Variants in SEC11A observed in about 807,000 individuals in gnomAD.
SEC11A encodes the protein signal peptidase complex catalytic subunit SEC11A.
Under a neutral mutation model 25.6 loss-of-function variants are expected in SEC11A, and 14 were observed. The ratio of observed to expected loss-of-function variants is 0.55; its 90% CI spans 0.36 to 0.85. The LOEUF is 0.85. Among genes scored for constraint, SEC11A ranks in the 40% least tolerant of loss-of-function variants. The probability of loss-of-function intolerance (pLI) is 0.01; values close to 1 mark genes in which losing one functional copy is unlikely to be tolerated. For missense variants in SEC11A, 153 were observed against 222.9 expected, an observed-to-expected ratio of 0.69 and a Z score of 2.00; for synonymous variants, 83 against 76.4, an observed-to-expected ratio of 1.09 and a Z score of -0.45.
intron 1 of SEC11A, 38 bp from the exon 2 acceptor site, chr15:84,691,682 A>T: frequency 8.2e-7 from 1 of 1,218,070 alleles, no homozygotes; most frequent in Non-Finnish European, 1.2e-6. Context: ...ATCCACCATT[A>T]TCCCCACTTC....
At chr15:84,691,464 T>C in intron 2 of SEC11A, 71 bp downstream of exon 2, 2 of 830,516 alleles carry the variant, frequency 2.4e-6, no homozygotes. Context: ...GATATGCCAG[T>C]TATTTCATAT....
In SEC11A at chr15:84,687,618, C is replaced by T. The variant is rs762997952; in HGVS notation, c.311+7G>A. 1.3e-6 allele frequency: 2 copies of T among 1,567,442 alleles called. No individual in the cohort carries two copies. Among genetic ancestry groups the T allele is most frequent in the Non-Finnish European group, 1.7e-6 (2 of 1,167,338 alleles). On this transcript the variant is annotated splice_region_variant and intron_variant, in intron 3 of 5. Transcript: ENST00000268220. Reference sequence around the variant, plus strand: ...TTAGAAACAAAGATGCTATACTTTGCACATACTTTTCATGAATCTTCAAGA... The same window carrying T: ...TTAGAAACAAAGATGCTATACTTTGTACATACTTTTCATGAATCTTCAAGA...
intron 1 of SEC11A, among the ~76,000 whole-genome samples, chr15:84,712,949 G>A (rs2141931666): frequency 6.6e-6 from 1 of 152,232 alleles, no homozygotes; most frequent in African/African-American, 2.4e-5. Context: ...GCTCACGCCT[G>A]TAATCCTAGC....
intron 4 of SEC11A, among the ~76,000 whole-genome samples, chr15:84,675,583 TA>T (rs1897112864): frequency 6.6e-6 from 1 of 152,242 alleles, no homozygotes; most frequent in Admixed American, 6.5e-5. Flanking sequence ...GTCTTATCCA[TA>T]AAACTGATTT....
rs534450039 is a variant in SEC11A at position 84,670,939 on chromosome 15, G to A, written c.432-157C>T. 1.2e-4 allele frequency: 53 copies of A among 436,166 alleles called. No homozygotes were observed. The South Asian group carries it at 2.0e-3, about 17-fold the overall frequency. 27.0% of individuals were successfully genotyped at this position (436,166 alleles called of 1,614,324 possible). A position where few individuals can be genotyped will look rare whatever the true frequency, so the allele number is the denominator to read the frequency against. On this transcript the variant is annotated intron_variant, in intron 4 of 5. Transcript: ENST00000268220. Reference sequence around the variant, plus strand: ...CTATTTGATCCTTGCAAAAGCCCAAGTGATAGGAAAGTTAGGAATATCACC... The same window carrying A: ...CTATTTGATCCTTGCAAAAGCCCAAATGATAGGAAAGTTAGGAATATCACC...
At chr15:84,670,328 T>C (rs1247925609) in intron 5 of SEC11A, 1 of 322,236 alleles carries the variant, frequency 3.1e-6, no homozygotes, top group Non-Finnish European at 5.8e-6. Flanking sequence ...CCTCCACCTA[T>C]CATATTCAAG....
chr15:84,713,702 C>T lies in SEC11A; in HGVS notation c.51+2323G>A, dbSNP rs1270264526. On this transcript the variant is annotated intron_variant, in intron 1 of 5. Coordinates refer to ENST00000268220, the MANE Select transcript of SEC11A (RefSeq NM_014300.4). ...CATGTTTCTGTTCTTTCTTCCTGTC[C>T]ATTTTATTAGAGCAGGAAGAGTACC... Among the ~76,000 whole-genome samples the T allele has an allele frequency of 2.6e-5, 4 of 152,156 alleles. No homozygotes were observed. In the East Asian group the frequency reaches 7.7e-4, roughly 29 times the overall value.
chr15:84,679,071 T>G (rs1326420356), intron 4 of SEC11A, among the ~76,000 whole-genome samples: 1 of 152,078 alleles, frequency 6.6e-6, no homozygotes, highest in Non-Finnish European at 1.5e-5. Context: ...ACCAAAAAGT[T>G]AATAGTAAAT....
intron 1 of SEC11A, among the ~76,000 whole-genome samples, chr15:84,695,113 A>G (rs1897727931): frequency 7.2e-6 from 1 of 138,372 alleles, no homozygotes; most frequent in African/African-American, 2.5e-5. Context: ...AAAAAAAAAA[A>G]AAAAGAAGGT....
chr15:84,710,845 G>A (rs529266272), intron 1 of SEC11A, among the ~76,000 whole-genome samples: 2 of 152,106 alleles, frequency 1.3e-5, no homozygotes, highest in South Asian at 4.1e-4. Context: ...AGGCCGAGGT[G>A]GGCAGATCAC....
rs747871596 is a variant in SEC11A at position 84,691,653 on chromosome 15, A to C, written c.52-9T>G. On this transcript the variant is annotated splice_polypyrimidine_tract_variant and intron_variant, in intron 1 of 5. Transcript: ENST00000268220. ...AGGACTTGATAATAGAGCTGCAAGA[A>C]CAAAACAGAAGAGATCAGATCCACC... 6.7e-6 allele frequency: 10 copies of C among 1,500,848 alleles called. No individual in the cohort carries two copies. The Admixed American group carries it at 1.5e-4, about 23-fold the overall frequency. 93.0% of individuals were successfully genotyped at this position (1,500,848 alleles called of 1,614,324 possible). A position where few individuals can be genotyped will look rare whatever the true frequency, so the allele number is the denominator to read the frequency against.
At chr15:84,706,245 C>T (rs1567043696) in intron 1 of SEC11A, among the ~76,000 whole-genome samples, 3 of 152,090 alleles carry the variant, frequency 2.0e-5, no homozygotes, top group Non-Finnish European at 2.9e-5. Flanking sequence ...TTTAATCCAT[C>T]CATTAAGGGA....
At chr15:84,674,988 C>G (rs952220551) in intron 4 of SEC11A, among the ~76,000 whole-genome samples, 7 of 152,148 alleles carry the variant, frequency 4.6e-5, no homozygotes, top group Non-Finnish European at 1.0e-4. Context: ...CAAAGTCAAA[C>G]AAAAGATTTA....
At chr15:84,689,878 G>A (rs895931493) in intron 2 of SEC11A, among the ~76,000 whole-genome samples, 1 of 152,110 alleles carries the variant, frequency 6.6e-6, no homozygotes. Flanking sequence ...AAAGTGCTGG[G>A]ATTACAGGTG....
intron 1 of SEC11A, among the ~76,000 whole-genome samples, chr15:84,711,002 G>A (rs551913213): frequency 3.3e-5 from 5 of 151,930 alleles, no homozygotes; most frequent in South Asian, 2.1e-4. Flanking sequence ...CCCGGGGGGC[G>A]GAGGTTCTAG....
chr15:84,676,882 G>T (rs55945116), intron 4 of SEC11A, among the ~76,000 whole-genome samples: 1 of 151,628 alleles, frequency 6.6e-6, no homozygotes, highest in Non-Finnish European at 1.5e-5. Flanking sequence ...CTTGAGCCCA[G>T]GAGTTCAAGA....
intron 1 of SEC11A, among the ~76,000 whole-genome samples, chr15:84,713,481 T>G (rs1898352690): frequency 6.6e-6 from 1 of 152,190 alleles, no homozygotes; most frequent in African/African-American, 2.4e-5. Context: ...GATAAAGATC[T>G]CATTTCATAA....
intron 4 of SEC11A, among the ~76,000 whole-genome samples, chr15:84,676,249 TA>T (rs918431555): frequency 1.3e-5 from 2 of 150,820 alleles, no homozygotes; most frequent in African/African-American, 2.4e-5. Flanking sequence ...GTGCAGCTGT[TA>T]AAAAAAAAGA....
At chr15:84,673,622 G>C (rs1897059369) in intron 4 of SEC11A, 1 of 153,136 alleles carries the variant, frequency 6.5e-6, no homozygotes, top group Non-Finnish European at 1.5e-5. Flanking sequence ...TAAAAATGCA[G>C]ATTCTTGGCT....
Sources: gnomAD v4.1 joint callset for allele counts (sites outside exome capture counted in the v4.1 genomes callset) on GRCh38, gnomAD v4.1.1 for gene constraint, MANE v1.5 for transcripts, NCBI Gene and HGNC (gene_info 2026-07-23, HGNC 2026-07-21) for gene names.